NRG3: variants seen among roughly 807,000 people sequenced by gnomAD.
NRG3 encodes neuregulin 3, also known as pro-neuregulin-3, membrane-bound isoform.
NRG3 carries 31 observed loss-of-function variants against 66.9 expected under a neutral mutation model. The ratio of observed to expected loss-of-function variants is 0.46; its 90% confidence interval spans 0.35 to 0.63. The LOEUF is 0.63. NRG3 is among the 20% of genes least tolerant of loss of function. The probability of loss-of-function intolerance (pLI) is 0.00; values close to 1 mark genes in which losing one functional copy is unlikely to be tolerated. For synonymous variants in NRG3, 393 were observed against 359.4 expected, an observed-to-expected ratio of 1.09 and a Z score of -1.06; for missense variants, 910 against 878.9, an observed-to-expected ratio of 1.04 and a Z score of -0.45.
chr10:82,341,223 T>G (rs988896161), intron 1 of NRG3, among the ~76,000 whole-genome samples: 1 of 152,178 alleles, frequency 6.6e-6, no homozygotes, highest in Non-Finnish European at 1.5e-5. Flanking sequence ...CTAATTGCTC[T>G]TATTTACTTA....
At chr10:82,683,021 C>G (rs978384029) in intron 2 of NRG3, among the ~76,000 whole-genome samples, 2 of 132,446 alleles carry the variant, frequency 1.5e-5, no homozygotes, top group African/African-American at 5.6e-5. Context: ...TGCAGTGGCA[C>G]GATCTCAGCT....
chr10:82,831,965 G>C (rs1160327933), intron 3 of NRG3, among the ~76,000 whole-genome samples: 1 of 152,052 alleles, frequency 6.6e-6, no homozygotes, highest in Non-Finnish European at 1.5e-5. Context: ...CTTAGGAGCA[G>C]ACCTCTTTCA....
At chr10:82,052,567 A>G (rs1263973903) in intron 1 of NRG3, among the ~76,000 whole-genome samples, 3 of 152,310 alleles carry the variant, frequency 2.0e-5, no homozygotes, top group African/African-American at 7.2e-5. Context: ...GAGCTATTCT[A>G]TATTTGTTCC....
At chr10:82,452,678 T>C (rs1482394665) in intron 2 of NRG3, among the ~76,000 whole-genome samples, 2 of 152,026 alleles carry the variant, frequency 1.3e-5, no homozygotes, top group Admixed American at 6.6e-5. Context: ...CTTTTTTTTT[T>C]CTTGCCACAA....
intron 2 of NRG3, among the ~76,000 whole-genome samples, chr10:82,529,466 A>T (rs1847046224): frequency 6.6e-6 from 1 of 152,236 alleles, no homozygotes. Context: ...AAATGCTATC[A>T]CTACAGTGGT....
At chr10:82,435,912 T>C (rs1368044999) in intron 2 of NRG3, among the ~76,000 whole-genome samples, 3 of 152,022 alleles carry the variant, frequency 2.0e-5, no homozygotes, top group East Asian at 3.9e-4. Flanking sequence ...GAGAGACTTA[T>C]GATTTCCATT....
chr10:82,289,082 C>A (rs1340582408), intron 1 of NRG3, among the ~76,000 whole-genome samples: 1 of 152,220 alleles, frequency 6.6e-6, no homozygotes. Context: ...TAAGTCCATG[C>A]TGCTCCCTGT....
At chr10:82,832,804 T>TTGTGTGTGTGTGTGTG (rs139438548) in intron 3 of NRG3, among the ~76,000 whole-genome samples, 23 of 147,924 alleles carry the variant, frequency 1.6e-4, no homozygotes, top group African/African-American at 5.5e-4. Context: ...ATGCATGTAA[T>TTGTGTGTGTGTGTGTG]TGTGTGTGTG....
At chr10:82,783,877 CA>C (rs1280920668) in intron 3 of NRG3, among the ~76,000 whole-genome samples, 2 of 151,942 alleles carry the variant, frequency 1.3e-5, no homozygotes, top group East Asian at 3.9e-4. Flanking sequence ...CATATGGAAC[CA>C]AAAAAGAGCC....
intron 5 of NRG3, among the ~76,000 whole-genome samples, chr10:82,954,521 C>T (rs1266500871): frequency 6.6e-6 from 1 of 151,846 alleles, no homozygotes; most frequent in Non-Finnish European, 1.5e-5. Flanking sequence ...ATCTTTCTGT[C>T]TACCAGCCTG....
At chr10:82,304,358 C>T (rs1470748043) in intron 1 of NRG3, among the ~76,000 whole-genome samples, 4 of 151,926 alleles carry the variant, frequency 2.6e-5, no homozygotes, top group African/African-American at 7.3e-5. Flanking sequence ...TCTTGTTTTC[C>T]GGGAGCACTT....
At chr10:82,819,027 A>G (rs929235576) in intron 3 of NRG3, among the ~76,000 whole-genome samples, 63 of 152,246 alleles carry the variant, frequency 4.1e-4, no homozygotes, top group African/African-American at 1.4e-3. Context: ...TAAAATCCTA[A>G]GTAATCATGA....
chr10:82,780,417 T>C (rs1363398719), intron 3 of NRG3, among the ~76,000 whole-genome samples: 1 of 152,114 alleles, frequency 6.6e-6, no homozygotes, highest in African/African-American at 2.4e-5. Flanking sequence ...TGAAGAACTT[T>C]TGTTGACAAA....
At chr10:82,028,323 T>G (rs2062410209) in intron 1 of NRG3, among the ~76,000 whole-genome samples, 1 of 152,128 alleles carries the variant, frequency 6.6e-6, no homozygotes, top group African/African-American at 2.4e-5. Context: ...AAGTCAAAAT[T>G]TCTGCTACTT....
intron 1 of NRG3, among the ~76,000 whole-genome samples, chr10:82,030,007 G>A (rs1161220269): frequency 4.6e-5 from 7 of 152,168 alleles, no homozygotes; most frequent in East Asian, 1.9e-4. Flanking sequence ...AAAACAGCCC[G>A]CAGTCACAAA....
chr10:82,164,990 C>T (rs2133008513), intron 1 of NRG3, among the ~76,000 whole-genome samples: 1 of 151,666 alleles, frequency 6.6e-6, no homozygotes, highest in South Asian at 2.1e-4. Context: ...CTGTTTATGC[C>T]CTATATAACT....
intron 1 of NRG3, among the ~76,000 whole-genome samples, chr10:82,101,625 T>C (rs191391974): frequency 2.7e-4 from 41 of 151,962 alleles, no homozygotes; most frequent in African/African-American, 8.4e-4. Flanking sequence ...TTCTAAATCA[T>C]TGTGGAATCA....
chr10:81,997,369 T>A (rs927997730), intron 1 of NRG3, among the ~76,000 whole-genome samples: 1 of 152,224 alleles, frequency 6.6e-6, no homozygotes. Flanking sequence ...GCCTCCAGCC[T>A]TCTATGTCTA....
intron 1 of NRG3, chr10:82,229,139 A>G (rs978851102): frequency 5.9e-5 from 9 of 152,330 alleles, no homozygotes; most frequent in African/African-American, 2.2e-4. Context: ...AGTACTCACT[A>G]TATTCAAAGG....
Sources: allele counts gnomAD v4.1 joint callset (sites outside exome capture counted in the v4.1 genomes callset), GRCh38; gene constraint gnomAD v4.1.1; transcripts MANE v1.5; gene names NCBI Gene and HGNC (gene_info 2026-07-23, HGNC 2026-07-21).